RNF180: variants seen among roughly 807,000 people sequenced by gnomAD.
RNF180 encodes the protein E3 ubiquitin-protein ligase RNF180.
RNF180 carries 38 observed loss-of-function variants against 59.2 expected under a neutral mutation model. The ratio of observed to expected loss-of-function variants is 0.64; its 90% CI spans 0.50 to 0.84. The LOEUF is 0.84. RNF180 is among the 40% of genes least tolerant of loss of function. The pLI is 0.00. For missense variants in RNF180, 705 were observed against 700.9 expected (o/e 1.01, Z -0.07); for synonymous variants, 262 against 240.3 (o/e 1.09, Z -0.84).
chr5:64,187,242 G>T (rs967155323), intron 1 of RNF180, among the ~76,000 whole-genome samples: 1 of 152,086 alleles, frequency 6.6e-6, no homozygotes, highest in Non-Finnish European at 1.5e-5. Context: ...AAGAACCTAT[G>T]GGACAGGATA....
intron 1 of RNF180, among the ~76,000 whole-genome samples, chr5:64,192,062 A>T (rs1169418188): frequency 6.6e-6 from 1 of 152,082 alleles, no homozygotes; most frequent in Non-Finnish European, 1.5e-5. Context: ...CTATTCACCC[A>T]CTGTGGTCTT....
chr5:64,349,526 AC>A (rs1207404460), intron 7 of RNF180, among the ~76,000 whole-genome samples: 1 of 151,246 alleles, frequency 6.6e-6, no homozygotes, highest in African/African-American at 2.4e-5. Context: ...GGTGTGCTGC[AC>A]CCATTAACTC....
intron 5 of RNF180, among the ~76,000 whole-genome samples, chr5:64,305,734 A>C (rs1415600857): frequency 6.6e-6 from 1 of 151,454 alleles, no homozygotes; most frequent in African/African-American, 2.4e-5. Context: ...CCTAAATCTC[A>C]GTGGCTTATA....
intron 2 of RNF180, among the ~76,000 whole-genome samples, chr5:64,204,744 G>GT (rs1161295277): frequency 2.0e-5 from 3 of 152,102 alleles, no homozygotes; most frequent in South Asian, 4.1e-4. Flanking sequence ...GAGGGGAAAT[G>GT]TTTTTTCCTC....
At chr5:64,259,933 C>CA (rs1744225302) in intron 5 of RNF180, among the ~76,000 whole-genome samples, 1 of 151,932 alleles carries the variant, frequency 6.6e-6, no homozygotes, top group African/African-American at 2.4e-5. Context: ...ACAACAACAA[C>CA]AAAAAAATTA....
intron 5 of RNF180, among the ~76,000 whole-genome samples, chr5:64,230,494 T>A (rs1248613629): frequency 6.6e-6 from 1 of 152,232 alleles, no homozygotes; most frequent in African/African-American, 2.4e-5. Flanking sequence ...TCTCACAATG[T>A]CATCTCTTTG....
At chr5:64,283,617 T>C (rs1742124396) in intron 5 of RNF180, among the ~76,000 whole-genome samples, 1 of 152,096 alleles carries the variant, frequency 6.6e-6, no homozygotes, top group African/African-American at 2.4e-5. Flanking sequence ...ATGAAGGAGT[T>C]CTCATGAGAT....
At chr5:64,231,726 G>A (rs1429068336) in intron 5 of RNF180, among the ~76,000 whole-genome samples, 1 of 152,150 alleles carries the variant, frequency 6.6e-6, no homozygotes, top group Non-Finnish European at 1.5e-5. Context: ...AGCAATCTCT[G>A]GAGAATTCTG....
intron 1 of RNF180, among the ~76,000 whole-genome samples, chr5:64,190,951 T>A (rs955153284): frequency 1.3e-5 from 2 of 152,186 alleles, no homozygotes; most frequent in African/African-American, 4.8e-5. Flanking sequence ...AGTACATATA[T>A]CATACTGATG....
intron 7 of RNF180, among the ~76,000 whole-genome samples, chr5:64,369,176 A>T (rs368302179): frequency 0.075 from 11,428 of 151,964 alleles, 630 homozygotes; most frequent in South Asian, 0.16. Flanking sequence ...TGGATGAAAT[A>T]GGAAATCATC....
intron 1 of RNF180, among the ~76,000 whole-genome samples, chr5:64,168,422 A>G (rs1200751207): frequency 2.0e-5 from 3 of 152,236 alleles, no homozygotes; most frequent in Admixed American, 1.3e-4. Flanking sequence ...GTCTACTACA[A>G]AGGGGACAGT....
intron 1 of RNF180, among the ~76,000 whole-genome samples, chr5:64,181,134 G>C (rs979649048): frequency 1.3e-5 from 2 of 152,162 alleles, no homozygotes; most frequent in Non-Finnish European, 2.9e-5. Context: ...CTCCTTCCAC[G>C]TTCTTCTGCC....
chr5:64,284,395 T>A (rs1420989098), intron 5 of RNF180, among the ~76,000 whole-genome samples: 1 of 152,228 alleles, frequency 6.6e-6, no homozygotes, highest in Non-Finnish European at 1.5e-5. Context: ...AATATGAATG[T>A]TGACCTCTCA....
At chr5:64,191,345 T>C (rs1751147880) in intron 1 of RNF180, among the ~76,000 whole-genome samples, 1 of 152,198 alleles carries the variant, frequency 6.6e-6, no homozygotes, top group African/African-American at 2.4e-5. Flanking sequence ...CTTGGAGTTG[T>C]ATAGTTCTGT....
rs1036624427 is a variant in RNF180, at chr5:64,370,604, C to T, written c.*790C>T. ...GATGGTCAAATATATTGTAAATGTG[C>T]AATAAAGAGTGGCTTTTAATTTTTT... On this transcript the variant is annotated 3_prime_UTR_variant, in exon 8 of 8. Transcript: ENST00000389100. The T allele has an allele frequency of 6.6e-5, 10 of 151,226 alleles. No homozygotes were observed. Among genetic ancestry groups the T allele is most frequent in the Non-Finnish European group, 1.0e-4 (7 of 67,648 alleles). 9.4% of individuals were successfully genotyped at this position (151,226 alleles called of 1,614,324 possible).
Position 64,214,460 on chromosome 5 carries a change from C to T in RNF180, c.1134C>T (p.Ser378=). The stretch of plus-strand genomic sequence containing the variant: ...AGAGGCTTAATAAGAGAGAAAGGAG[C>T]AAGTTGAAGAATCTAAGAAGGAAAC... The part of the protein sequence containing the change: ...INQRLNKRER[S]KLKNLRRKQR... The change falls in exon 4 of 8, where the codon AGC becomes AGT. Residue 378 remains serine, a synonymous_variant. Transcript: ENST00000389100. The T allele has an allele frequency of 6.2e-7, 1 of 1,613,530 alleles. No individual in the cohort carries two copies. Among genetic ancestry groups the T allele is most frequent in the Non-Finnish European group, 8.5e-7 (1 of 1,179,576 alleles).
chr5:64,367,119 T>C (rs1746482406), intron 7 of RNF180, among the ~76,000 whole-genome samples: 1 of 151,620 alleles, frequency 6.6e-6, no homozygotes. Flanking sequence ...CTGACAAAGT[T>C]TTCCTTCAGA....
chr5:64,248,445 C>T lies in RNF180; in HGVS notation c.1227+31049C>T, dbSNP rs144048793. Among the ~76,000 whole-genome samples, 590 of 152,212 alleles carry T rather than the reference C, an allele frequency of 3.9e-3. 3 individuals are homozygous for T. The highest frequency in any genetic ancestry group is 0.014 in the African/African-American group (571 of 41,528). On this transcript the variant is annotated intron_variant, in intron 5 of 7. Coordinates refer to ENST00000389100, the MANE Select transcript of RNF180 (RefSeq NM_001113561.2). ...AACCTCATCAAAAAGCAGGCAAAGGCTTTGAAAAGACACTTCTCAAAAGAA... is the reference window on the plus strand; with the variant it reads ...AACCTCATCAAAAAGCAGGCAAAGGTTTTGAAAAGACACTTCTCAAAAGAA...
At chr5:64,170,067 T>C (rs1201559164) in intron 1 of RNF180, among the ~76,000 whole-genome samples, 1 of 152,230 alleles carries the variant, frequency 6.6e-6, no homozygotes, top group Non-Finnish European at 1.5e-5. Context: ...CTTCATCCTC[T>C]ACCTGTCAAG....
Sources: allele counts gnomAD v4.1 joint callset (sites outside exome capture counted in the v4.1 genomes callset), GRCh38; gene constraint gnomAD v4.1.1; transcripts MANE v1.5; gene names NCBI Gene and HGNC (gene_info 2026-07-23, HGNC 2026-07-21).